The following ATF7 variants were observed in gnomAD, a reference collection of about 807,000 sequenced individuals.
ATF7 encodes cyclic AMP-dependent transcription factor ATF-7.
A neutral mutation model predicts 50.4 loss-of-function variants in ATF7; 10 were observed. The observed-to-expected ratio is 0.20, with a 90% CI of 0.12 to 0.34. The LOEUF (loss-of-function observed/expected upper bound fraction) is 0.34. ATF7 is among the 10% of genes least tolerant of loss of function. ATF7 has a pLI of 1.00. For missense variants in ATF7, 465 were observed against 613.9 expected, an observed-to-expected ratio of 0.76 and a Z score of 2.56; for synonymous variants, 201 against 226.4, an observed-to-expected ratio of 0.89 and a Z score of 1.01.
intron 2 of ATF7, among the ~76,000 whole-genome samples, chr12:53,572,454 C>T (rs898984019): frequency 1.8e-4 from 27 of 152,172 alleles, no homozygotes; most frequent in African/African-American, 4.1e-4. Context: ...GCCAGGGAGA[C>T]CCAGTCACAG....
At position 53,515,170 on chromosome 12, in the gene ATF7, G is replaced by A. The variant is rs529028713; in HGVS notation, c.*1967C>T. On this transcript the variant is annotated 3_prime_UTR_variant, in exon 12 of 12. Coordinates refer to ENST00000420353, the MANE Select transcript of ATF7 (RefSeq NM_006856.3). ...GTGTTTTCTCTCCTTTGTCTTTAGG[G>A]GTGTGGCCTGTTCAGCACCAGCTCT... is the stretch of plus-strand genomic sequence containing the variant. The A allele has an allele frequency of 5.3e-5, 8 of 152,298 alleles. No individual in the cohort carries two copies. Among genetic ancestry groups the A allele is most frequent in the African/African-American group, 1.4e-4 (6 of 41,548 alleles). 9.4% of individuals were successfully genotyped at this position (152,298 alleles called of 1,614,324 possible). A position where few individuals can be genotyped will look rare whatever the true frequency, so the allele number is the denominator to read the frequency against.
At position 53,626,368 on chromosome 12, in the gene ATF7, A is replaced by C. The variant is rs1037907905; in HGVS notation, c.-111T>G. The C allele has an allele frequency of 6.5e-6, 1 of 152,734 alleles. No homozygotes were observed. Among genetic ancestry groups the C allele is most frequent in the Non-Finnish European group, 1.5e-5 (1 of 68,138 alleles). The allele number at this position is 152,734 out of a possible 1,614,324, so 9.5% of individuals were successfully genotyped here. A position where few individuals can be genotyped will look rare whatever the true frequency, so the allele number is the denominator to read the frequency against. On this transcript the variant is annotated 5_prime_UTR_variant, in exon 1 of 12. Transcript: ENST00000420353. Reference sequence around the variant, plus strand: ...CCTTTCCCCCCTTGGCGGAACGGATACTTTCCTCCCGTCCGGCCAGGCGCG... The same window carrying C: ...CCTTTCCCCCCTTGGCGGAACGGATCCTTTCCTCCCGTCCGGCCAGGCGCG...
chr12:53,581,762 C>T (rs1189566736), intron 2 of ATF7, among the ~76,000 whole-genome samples: 1 of 151,588 alleles, frequency 6.6e-6, no homozygotes, highest in African/African-American at 2.4e-5. Context: ...TCTAAGCTTC[C>T]ACCTTAGAAA....
chr12:53,550,334 ATAAATAAAT>A (rs1194802946), intron 3 of ATF7, among the ~76,000 whole-genome samples: 20 of 123,984 alleles, frequency 1.6e-4, no homozygotes, highest in Admixed American at 1.2e-3. Context: ...AAAAAAAAAA[ATAAATAAAT>A]AAATAAATAA....
intron 3 of ATF7, among the ~76,000 whole-genome samples, chr12:53,548,318 C>T (rs1040570093): frequency 6.6e-6 from 1 of 151,888 alleles, no homozygotes; most frequent in Admixed American, 6.6e-5. Context: ...CCCCAGAGAA[C>T]GTTTTCTTTT....
intron 2 of ATF7, among the ~76,000 whole-genome samples, chr12:53,577,585 G>A (rs957227320): frequency 6.6e-6 from 1 of 151,672 alleles, no homozygotes; most frequent in Non-Finnish European, 1.5e-5. Flanking sequence ...GCGCAGTGGC[G>A]GGCGCCTGTA....
At chr12:53,579,521 C>T (rs1942281002) in intron 2 of ATF7, among the ~76,000 whole-genome samples, 1 of 149,228 alleles carries the variant, frequency 6.7e-6, no homozygotes, top group Non-Finnish European at 1.5e-5. Flanking sequence ...CACTGCACTC[C>T]ACCCTGGGAG....
intron 2 of ATF7, among the ~76,000 whole-genome samples, chr12:53,562,930 T>A (rs1941230195): frequency 6.6e-6 from 1 of 152,162 alleles, no homozygotes; most frequent in Non-Finnish European, 1.5e-5. Context: ...TTGAAATCAT[T>A]CCCAAAGGAG....
intron 9 of ATF7, among the ~76,000 whole-genome samples, chr12:53,531,337 G>A (rs1210597891): frequency 6.6e-6 from 1 of 151,188 alleles, no homozygotes; most frequent in East Asian, 2.0e-4. Flanking sequence ...CAGAAGAATC[G>A]CTTGAACCCG....
chr12:53,552,504 T>A, intron 3 of ATF7, 37 bp downstream of exon 3: 4 of 1,479,076 alleles, frequency 2.7e-6, no homozygotes, highest in Non-Finnish European at 2.8e-6. Flanking sequence ...AACTGCCTGG[T>A]GGTATCAAGG....
chr12:53,584,784 T>G (rs1942597239), intron 2 of ATF7, among the ~76,000 whole-genome samples: 1 of 152,200 alleles, frequency 6.6e-6, no homozygotes, highest in South Asian at 2.1e-4. Flanking sequence ...GAAGCTAGTA[T>G]GAAACGGCCT....
At position 53,527,308 on chromosome 12, in the gene ATF7, G is replaced by T. The variant is rs908495009; in HGVS notation, c.928-2547C>A. ...GAGACCAGTCTGGGCAACATAGTGAGATCCGTTTCTACAAATAAATAAAAT... is the reference window on the plus strand; with the variant it reads ...GAGACCAGTCTGGGCAACATAGTGATATCCGTTTCTACAAATAAATAAAAT... On this transcript the variant is annotated intron_variant, in intron 9 of 11. Transcript: ENST00000420353. 6.0e-5 allele frequency among the ~76,000 whole-genome samples: 9 copies of T among 151,260 alleles called. No homozygotes were observed. The East Asian group carries it at 1.8e-3, about 30-fold the overall frequency.
intron 9 of ATF7, among the ~76,000 whole-genome samples, chr12:53,525,531 T>C (rs1938397223): frequency 6.6e-6 from 1 of 152,162 alleles, no homozygotes; most frequent in African/African-American, 2.4e-5. Context: ...TGGAGACAAA[T>C]GTTCTTATCC....
At chr12:53,517,448 G>T in intron 11 of ATF7, 94 bp from the exon 12 acceptor site, 1 of 1,238,198 alleles carries the variant, frequency 8.1e-7, no homozygotes, top group Non-Finnish European at 1.1e-6. Context: ...TTCTAAAGGA[G>T]CCCAAAAGGG....
chr12:53,597,682 G>A (rs1271088507), intron 2 of ATF7, among the ~76,000 whole-genome samples: 1 of 151,926 alleles, frequency 6.6e-6, no homozygotes, highest in Non-Finnish European at 1.5e-5. Context: ...GGTGGCGGGT[G>A]CCTGTAGTCC....
chr12:53,624,400 C>A (rs894707915), intron 1 of ATF7, among the ~76,000 whole-genome samples: 2 of 152,178 alleles, frequency 1.3e-5, no homozygotes, highest in Non-Finnish European at 2.9e-5. Flanking sequence ...TATTTCCCTT[C>A]TCAAAAGTAA....
At chr12:53,585,515 G>C (rs921728782) in intron 2 of ATF7, among the ~76,000 whole-genome samples, 4 of 151,934 alleles carry the variant, frequency 2.6e-5, no homozygotes, top group African/African-American at 7.3e-5. Flanking sequence ...AAAAAAAATA[G>C]TTTCTTAATT....
chr12:53,529,745 G>GTT (rs1170251902), intron 9 of ATF7, among the ~76,000 whole-genome samples: 13 of 58,636 alleles, frequency 2.2e-4, no homozygotes, highest in East Asian at 2.8e-3. Context: ...ATATATATAT[G>GTT]TTTTTTTTTT....
chr12:53,518,421 C>T (rs1278990387), intron 11 of ATF7, among the ~76,000 whole-genome samples: 3 of 152,224 alleles, frequency 2.0e-5, no homozygotes, highest in Non-Finnish European at 4.4e-5. Flanking sequence ...ACTACCTGAG[C>T]TACATACAAT....
Sources: gnomAD v4.1 joint callset for allele counts (sites outside exome capture counted in the v4.1 genomes callset) on GRCh38, gnomAD v4.1.1 for gene constraint, MANE v1.5 for transcripts, NCBI Gene and HGNC (gene_info 2026-07-23, HGNC 2026-07-21) for gene names.